The following TMTC1 variants were observed in gnomAD, a reference collection of about 807,000 sequenced individuals.
TMTC1 encodes protein O-mannosyl-transferase TMTC1.
In TMTC1, 73 loss-of-function variants were observed where a neutral mutation model predicts 104.8. The ratio of observed to expected loss-of-function variants is 0.70; its 90% confidence interval spans 0.58 to 0.85. The LOEUF is 0.85. TMTC1 is among the 40% of genes least tolerant of loss of function. TMTC1 has a pLI of 0.00. For missense variants in TMTC1, 1,035 were observed against 1,096.1 expected (o/e 0.94, Z 0.79); for synonymous variants, 434 against 428.7 (o/e 1.01, Z -0.15).
intron 5 of TMTC1, among the ~76,000 whole-genome samples, chr12:29,693,767 C>G (rs1941333635): frequency 6.6e-6 from 1 of 152,038 alleles, no homozygotes; most frequent in African/African-American, 2.4e-5. Context: ...AGTGTATTCC[C>G]TTGTAAGATT....
At chr12:29,639,831 C>T (rs1938746130) in intron 5 of TMTC1, among the ~76,000 whole-genome samples, 1 of 152,130 alleles carries the variant, frequency 6.6e-6, no homozygotes, top group Admixed American at 6.5e-5. Flanking sequence ...AGGAACCTCA[C>T]AATGGTAATG....
At chr12:29,678,296 ACTT>A (rs1940798857) in intron 5 of TMTC1, among the ~76,000 whole-genome samples, 1 of 152,310 alleles carries the variant, frequency 6.6e-6, no homozygotes, top group Middle Eastern at 3.4e-3. Flanking sequence ...TCCAGATATT[ACTT>A]CTTCTTCCTG....
At chr12:29,514,726 G>A (rs299438) in intron 15 of TMTC1, 122 bp from the exon 16 acceptor site, 323,031 of 1,118,330 alleles carry the variant, frequency 0.29, 49,330 homozygotes, top group African/African-American at 0.48. Context: ...GACAATCAAA[G>A]TACAATTCTT....
At chr12:29,553,092 C>A (rs1168439055) in intron 10 of TMTC1, among the ~76,000 whole-genome samples, 3 of 152,088 alleles carry the variant, frequency 2.0e-5, no homozygotes, top group Non-Finnish European at 4.4e-5. Flanking sequence ...GTCCTTTCTC[C>A]CAAAAGGCAA....
At chr12:29,784,643 T>C (rs1458200021), upstream of TMTC1, 2 of 152,278 alleles carry the variant, frequency 1.3e-5, no homozygotes, top group African/African-American at 2.4e-5. Context: ...TTACAAAAAG[T>C]ACCAGGTTCG....
At chr12:29,566,750 C>G (rs1781721145) in intron 9 of TMTC1, among the ~76,000 whole-genome samples, 1 of 152,132 alleles carries the variant, frequency 6.6e-6, no homozygotes, top group African/African-American at 2.4e-5. Flanking sequence ...TGCTTTAAGT[C>G]TTTTATATGA....
At chr12:29,533,304 C>T (rs915532808) in intron 11 of TMTC1, 1 of 152,136 alleles carries the variant, frequency 6.6e-6, no homozygotes, top group African/African-American at 2.4e-5. Context: ...GTAAGGAACA[C>T]AATATTAGTT....
At chr12:29,550,849 T>TA (rs1433893136) in intron 10 of TMTC1, among the ~76,000 whole-genome samples, 1 of 143,834 alleles carries the variant, frequency 7.0e-6, no homozygotes, top group Non-Finnish European at 1.5e-5. Flanking sequence ...AGGATGGTGT[T>TA]ATGAGATGCT....
intron 2 of TMTC1, among the ~76,000 whole-genome samples, chr12:29,765,689 CTT>C (rs1264919240): frequency 6.6e-6 from 1 of 152,096 alleles, no homozygotes; most frequent in East Asian, 1.9e-4. Flanking sequence ...AAAATCACCT[CTT>C]AATAATCTAG....
chr12:29,629,721 TG>T (rs1434753870), intron 6 of TMTC1, among the ~76,000 whole-genome samples: 2 of 152,282 alleles, frequency 1.3e-5, no homozygotes, highest in East Asian at 1.9e-4. Flanking sequence ...TATGGGGTAA[TG>T]AAAAAGCTTT....
rs1359935982 is a variant in TMTC1 at position 29,501,926 on chromosome 12, A to T, written c.*4920T>A. The T allele has an allele frequency of 6.6e-6, 1 of 152,150 alleles. No individual in the cohort carries two copies. The highest frequency in any genetic ancestry group is 1.5e-5 in the Non-Finnish European group (1 of 68,038). The allele number at this position is 152,150 out of a possible 1,614,324, so 9.4% of individuals were successfully genotyped here. On this transcript the variant is annotated 3_prime_UTR_variant, in exon 18 of 18. Coordinates refer to ENST00000539277, the MANE Select transcript of TMTC1 (RefSeq NM_001193451.2). Reference sequence around the variant, plus strand: ...TTGCAGTTATTTTCTGTTCTCTTTAAATTACATGGCTACAAATAAAATATT... The same window carrying T: ...TTGCAGTTATTTTCTGTTCTCTTTATATTACATGGCTACAAATAAAATATT...
At chr12:29,678,860 A>G (rs11831492) in intron 5 of TMTC1, among the ~76,000 whole-genome samples, 5,455 of 152,248 alleles carry the variant, frequency 0.036, 298 homozygotes, top group African/African-American at 0.12. Context: ...GGAAAAAAAA[A>G]TCATGGACTT....
At chr12:29,626,520 TTAAAA>T (rs1192884189) in intron 6 of TMTC1, among the ~76,000 whole-genome samples, 1 of 152,182 alleles carries the variant, frequency 6.6e-6, no homozygotes, top group East Asian at 1.9e-4. Context: ...GATGGTTACT[TTAAAA>T]TAAGGTGTTT....
At chr12:29,761,624 A>T (rs1396047797) in intron 2 of TMTC1, among the ~76,000 whole-genome samples, 1 of 151,812 alleles carries the variant, frequency 6.6e-6, no homozygotes, top group African/African-American at 2.4e-5. Flanking sequence ...AAGGGAAAAA[A>T]TGGGATATAG....
At chr12:29,702,458 G>A (rs12228741) in intron 5 of TMTC1, among the ~76,000 whole-genome samples, 9,721 of 152,210 alleles carry the variant, frequency 0.064, 505 homozygotes, top group Admixed American at 0.17. Flanking sequence ...GCTGTTCACC[G>A]GAGGTTTCCC....
intron 8 of TMTC1, among the ~76,000 whole-genome samples, chr12:29,578,620 G>A (rs7957521): frequency 1.3e-5 from 2 of 152,036 alleles, no homozygotes; most frequent in Non-Finnish European, 2.9e-5. Context: ...CGCATTTCAC[G>A]TATCTCCCTC....
At chr12:29,652,583 G>A (rs192748782) in intron 5 of TMTC1, among the ~76,000 whole-genome samples, 1 of 152,352 alleles carries the variant, frequency 6.6e-6, no homozygotes, top group East Asian at 1.9e-4. Context: ...TGACAGCAGA[G>A]TCAATCATGC....
chr12:29,710,773 A>G (rs565014955), intron 5 of TMTC1, among the ~76,000 whole-genome samples: 1 of 129,992 alleles, frequency 7.7e-6, no homozygotes, highest in Admixed American at 8.9e-5. Context: ...ATATATTTAT[A>G]TTAATAATAA....
chr12:29,751,807 G>A lies in TMTC1; in HGVS notation c.797C>T (p.Pro266Leu). The change falls in exon 5 of 18, where the codon CCA (proline) becomes CTA (leucine). Residue 266 changes from proline to leucine, a missense_variant. Pro to Leu is a moderately conservative substitution (Grantham distance 98). Transcript: ENST00000539277. Reference protein sequence around the residue: ...QPGSPQPSSLPGHPHRENGKQ... With the variant: ...QPGSPQPSSLLGHPHRENGKQ... ...CCCATTCTCCCGGTGAGGATGGCCT[G>A]GCAGTGAGGAGGGCTGGGGGCTCCC... 1 of 1,611,502 alleles carries A rather than the reference G, an allele frequency of 6.2e-7. No individual in the cohort carries two copies. Among genetic ancestry groups the A allele is most frequent in the Non-Finnish European group, 8.5e-7 (1 of 1,178,854 alleles).
Sources: gnomAD v4.1 joint callset for allele counts (sites outside exome capture counted in the v4.1 genomes callset) on GRCh38, gnomAD v4.1.1 for gene constraint, MANE v1.5 for transcripts, NCBI Gene and HGNC (gene_info 2026-07-23, HGNC 2026-07-21) for gene names.